The following SORCS1 variants were observed in gnomAD, a reference collection of about 807,000 sequenced individuals.
SORCS1 encodes the protein sortilin related VPS10 domain containing receptor 1.
A neutral mutation model predicts 146.1 loss-of-function variants in SORCS1; 60 were observed. The observed-to-expected ratio is 0.41, with a 90% CI of 0.33 to 0.51. The LOEUF (loss-of-function observed/expected upper bound fraction) is 0.51. Among genes scored for constraint, SORCS1 ranks in the 20% least tolerant of loss-of-function variants. The probability of loss-of-function intolerance (pLI) is 0.21; values close to 1 mark genes in which losing one functional copy is unlikely to be tolerated. For missense variants in SORCS1, 1,352 were observed against 1,487.6 expected, an observed-to-expected ratio of 0.91 and a Z score of 1.50; for synonymous variants, 637 against 584.0, an observed-to-expected ratio of 1.09 and a Z score of -1.31.
At chr10:107,079,193 T>TC (rs1963131870) in intron 1 of SORCS1, among the ~76,000 whole-genome samples, 1 of 149,312 alleles carries the variant, frequency 6.7e-6, no homozygotes, top group African/African-American at 2.5e-5. Flanking sequence ...GCCACTGCAC[T>TC]CCAGCCTGGG....
intron 1 of SORCS1, among the ~76,000 whole-genome samples, chr10:107,080,112 G>A (rs972388914): frequency 1.7e-4 from 26 of 152,004 alleles, no homozygotes; most frequent in African/African-American, 5.6e-4. Context: ...TAAACATTTG[G>A]GTTCTTTTCC....
intron 6 of SORCS1, among the ~76,000 whole-genome samples, chr10:106,727,308 C>G (rs1427518359): frequency 6.6e-6 from 1 of 151,494 alleles, no homozygotes; most frequent in East Asian, 1.9e-4. Context: ...TTAGTGAGAT[C>G]TCTCTACATG....
intron 1 of SORCS1, among the ~76,000 whole-genome samples, chr10:106,987,481 C>T (rs949775426): frequency 1.3e-5 from 2 of 152,212 alleles, no homozygotes; most frequent in Admixed American, 6.5e-5. Flanking sequence ...TCTCCACAAT[C>T]TCTAGCTACT....
intron 24 of SORCS1, among the ~76,000 whole-genome samples, chr10:106,588,730 A>G (rs1845399997): frequency 6.6e-6 from 1 of 151,726 alleles, no homozygotes; most frequent in South Asian, 2.1e-4. Flanking sequence ...GCGTGGTGGC[A>G]GGTGCCTGCG....
At chr10:106,916,251 T>C (rs1952419061) in intron 2 of SORCS1, among the ~76,000 whole-genome samples, 2 of 152,140 alleles carry the variant, frequency 1.3e-5, no homozygotes. Flanking sequence ...CATTTCTGCT[T>C]TCGGTCACTA....
chr10:106,716,639 C>T (rs961526111), intron 6 of SORCS1, among the ~76,000 whole-genome samples: 17 of 152,176 alleles, frequency 1.1e-4, no homozygotes, highest in African/African-American at 3.9e-4. Context: ...CAGCCTTTTC[C>T]TTTCCTGTTA....
At chr10:107,029,658 A>G (rs577777726) in intron 1 of SORCS1, among the ~76,000 whole-genome samples, 3 of 152,346 alleles carry the variant, frequency 2.0e-5, no homozygotes, top group Admixed American at 6.5e-5. Flanking sequence ...GGTACTCTAG[A>G]TACGGGAGAA....
chr10:106,838,593 C>T (rs1389454623), intron 2 of SORCS1, among the ~76,000 whole-genome samples: 2 of 152,200 alleles, frequency 1.3e-5, no homozygotes, highest in Non-Finnish European at 2.9e-5. Context: ...CCTATTGATT[C>T]TTCCTATTCC....
At chr10:106,964,627 C>T (rs955279241) in intron 1 of SORCS1, among the ~76,000 whole-genome samples, 1 of 152,084 alleles carries the variant, frequency 6.6e-6, no homozygotes, top group Non-Finnish European at 1.5e-5. Context: ...GCTGGGACTA[C>T]AGGTGCGTGC....
the SORCS1 span, among the ~76,000 whole-genome samples, chr10:107,173,245 A>G: frequency 6.6e-6 from 1 of 152,300 alleles, no homozygotes; most frequent in Admixed American, 6.5e-5. Flanking sequence ...AAATGAAGAG[A>G]TGTAGGTCAC....
intron 2 of SORCS1, among the ~76,000 whole-genome samples, chr10:106,870,513 G>C (rs1950368399): frequency 6.6e-6 from 1 of 152,192 alleles, no homozygotes; most frequent in Non-Finnish European, 1.5e-5. Context: ...GAACAGAATA[G>C]AGAACCCAGA....
chr10:106,600,187 T>G (rs1846156172), intron 23 of SORCS1: 1 of 358,366 alleles, frequency 2.8e-6, no homozygotes, highest in South Asian at 1.2e-4. Context: ...AACATATTTT[T>G]AATTTATAAT....
intron 10 of SORCS1, among the ~76,000 whole-genome samples, chr10:106,685,277 C>T (rs1450788176): frequency 6.6e-6 from 1 of 152,058 alleles, no homozygotes; most frequent in Non-Finnish European, 1.5e-5. Context: ...AATGTTGAGC[C>T]CCTACCACAT....
intron 1 of SORCS1, among the ~76,000 whole-genome samples, chr10:107,005,113 G>T (rs1957383981): frequency 6.6e-6 from 1 of 152,088 alleles, no homozygotes; most frequent in Non-Finnish European, 1.5e-5. Context: ...ATTGAGATAT[G>T]GTCAAAGATC....
At chr10:107,009,694 A>G (rs1226699555) in intron 1 of SORCS1, among the ~76,000 whole-genome samples, 1 of 152,228 alleles carries the variant, frequency 6.6e-6, no homozygotes, top group Non-Finnish European at 1.5e-5. Context: ...AAACATATAT[A>G]TAATTGAAAA....
chr10:106,942,709 C>T (rs934757884), intron 2 of SORCS1, among the ~76,000 whole-genome samples: 3 of 152,154 alleles, frequency 2.0e-5, no homozygotes, highest in Non-Finnish European at 2.9e-5. Context: ...AAGCTCCCCT[C>T]GGTCCACCCC....
At chr10:106,773,949 A>G (rs1241223284) in intron 4 of SORCS1, among the ~76,000 whole-genome samples, 1 of 133,524 alleles carries the variant, frequency 7.5e-6, no homozygotes, top group Non-Finnish European at 1.6e-5. Flanking sequence ...ACTCCATCTC[A>G]AAAAAAAAAA....
intron 8 of SORCS1, among the ~76,000 whole-genome samples, chr10:106,702,558 G>C (rs561315004): frequency 3.3e-5 from 5 of 152,278 alleles, no homozygotes; most frequent in African/African-American, 1.2e-4. Flanking sequence ...AGGTCACTTA[G>C]AGAACTAATC....
At chr10:106,996,913 G>A (rs1195830092) in intron 1 of SORCS1, among the ~76,000 whole-genome samples, 1 of 151,976 alleles carries the variant, frequency 6.6e-6, no homozygotes. Context: ...AAGGAAATAT[G>A]TCTAAAATCA....
Sources: gnomAD v4.1 joint callset for allele counts (sites outside exome capture counted in the v4.1 genomes callset) on GRCh38, gnomAD v4.1.1 for gene constraint, MANE v1.5 for transcripts, NCBI Gene and HGNC (gene_info 2026-07-23, HGNC 2026-07-21) for gene names.